The following HS2ST1 variants were observed in gnomAD, a reference collection of about 807,000 sequenced individuals.
HS2ST1 encodes heparan sulfate 2-O-sulfotransferase 1.
A neutral mutation model predicts 42.9 loss-of-function variants in HS2ST1; 18 were observed. The ratio of observed to expected loss-of-function variants is 0.42; its 90% CI spans 0.29 to 0.62. HS2ST1 has a LOEUF of 0.62. Among genes scored for constraint, HS2ST1 ranks in the 20% least tolerant of loss-of-function variants. HS2ST1 has a pLI of 0.21. For synonymous variants in HS2ST1, 146 were observed against 152.9 expected (o/e 0.95, Z 0.33); for missense variants, 334 against 433.8 (o/e 0.77, Z 2.04).
intron 1 of HS2ST1, among the ~76,000 whole-genome samples, chr1:87,032,413 A>G (rs1009411252): frequency 6.6e-6 from 1 of 152,174 alleles, no homozygotes; most frequent in Non-Finnish European, 1.5e-5. Context: ...AGGACGAAAA[A>G]GAGACCTGAA....
intron 1 of HS2ST1, among the ~76,000 whole-genome samples, chr1:87,032,468 T>A (rs1346262797): frequency 2.6e-5 from 4 of 152,194 alleles, no homozygotes; most frequent in Admixed American, 2.6e-4. Context: ...GAACCCCCAC[T>A]GTCAAAATAA....
intron 1 of HS2ST1, among the ~76,000 whole-genome samples, chr1:86,955,994 GATAAA>G (rs1201055695): frequency 3.3e-5 from 5 of 151,850 alleles, no homozygotes; most frequent in East Asian, 1.9e-4. Context: ...TTTCAAAAAA[GATAAA>G]ATAAAAAAAG....
In HS2ST1 at chr1:86,914,965, G is replaced by A; in HGVS notation, c.-72G>A. 6 of 1,585,116 alleles carry A rather than the reference G, an allele frequency of 3.8e-6. No homozygotes were observed. Among genetic ancestry groups the A allele is most frequent in the Non-Finnish European group, 5.1e-6 (6 of 1,166,436 alleles). On this transcript the variant is annotated 5_prime_UTR_variant, in exon 1 of 7. Coordinates refer to ENST00000370550, the MANE Select transcript of HS2ST1 (RefSeq NM_012262.4). ...GCTCCCGGCTCGGCGGGCTCCTCCC[G>A]GCGTCTCTCTCGCCTCCGGGGTCCC...
intron 1 of HS2ST1, among the ~76,000 whole-genome samples, chr1:87,028,640 G>T (rs765458324): frequency 6.6e-6 from 1 of 152,276 alleles, no homozygotes; most frequent in South Asian, 2.1e-4. Context: ...TTAACAGTGG[G>T]TATATACCAT....
intron 1 of HS2ST1, among the ~76,000 whole-genome samples, chr1:87,050,868 G>A (rs984300968): frequency 6.6e-6 from 1 of 152,068 alleles, no homozygotes; most frequent in African/African-American, 2.4e-5. Flanking sequence ...AAACCTCTGA[G>A]GATTAGTCAG....
At chr1:86,941,554 T>C (rs1570435226) in intron 1 of HS2ST1, among the ~76,000 whole-genome samples, 1 of 151,884 alleles carries the variant, frequency 6.6e-6, no homozygotes, top group Non-Finnish European at 1.5e-5. Context: ...GGTGGATCAG[T>C]TGAGGTCAGG....
At chr1:87,086,502 G>A (rs1374157790) in intron 3 of HS2ST1, among the ~76,000 whole-genome samples, 1 of 152,026 alleles carries the variant, frequency 6.6e-6, no homozygotes, top group Admixed American at 6.6e-5. Context: ...TGGTGAATTT[G>A]GCAAAATACT....
At chr1:87,070,419 C>G (rs531975564) in intron 1 of HS2ST1, among the ~76,000 whole-genome samples, 2 of 151,972 alleles carry the variant, frequency 1.3e-5, no homozygotes, top group East Asian at 3.9e-4. Flanking sequence ...GGTGAAACGC[C>G]GTCTCTACAA....
chr1:86,946,096 C>G (rs1647327516), intron 1 of HS2ST1, among the ~76,000 whole-genome samples: 1 of 152,038 alleles, frequency 6.6e-6, no homozygotes, highest in African/African-American at 2.4e-5. Context: ...ATTTTGGCAC[C>G]TTAAATTTAG....
At chr1:87,093,887 AT>A (rs1212964075) in intron 4 of HS2ST1, among the ~76,000 whole-genome samples, 3 of 149,614 alleles carry the variant, frequency 2.0e-5, no homozygotes, top group Non-Finnish European at 4.4e-5. Flanking sequence ...ATTTCTAGAA[AT>A]TGCTGTTTCT....
intron 1 of HS2ST1, among the ~76,000 whole-genome samples, chr1:87,029,414 G>A (rs1411003031): frequency 1.3e-5 from 2 of 152,046 alleles, no homozygotes; most frequent in African/African-American, 2.4e-5. Context: ...TCAGCAGGGC[G>A]TCAATAGTAA....
Position 86,965,738 on chromosome 1 carries a change from A to T in HS2ST1, c.124+50578A>T, listed in dbSNP as rs79161052. 8.6e-3 allele frequency among the ~76,000 whole-genome samples: 1,311 copies of T among 152,220 alleles called. 24 individuals are homozygous for T. The highest frequency in any genetic ancestry group is 0.03 in the African/African-American group (1,236 of 41,524). Reference sequence around the variant, plus strand: ...CTTGGAATCCTGAAGGGCTTGTGCTACTTAGATATAGTCCTCACATTTTTA... The same window carrying T: ...CTTGGAATCCTGAAGGGCTTGTGCTTCTTAGATATAGTCCTCACATTTTTA... On this transcript the variant is annotated intron_variant, in intron 1 of 6. Transcript: ENST00000370550.
At chr1:87,019,690 A>C (rs570396049) in intron 1 of HS2ST1, among the ~76,000 whole-genome samples, 2 of 152,316 alleles carry the variant, frequency 1.3e-5, no homozygotes, top group South Asian at 4.1e-4. Context: ...CCATCTGTTC[A>C]AGTACAATAG....
At chr1:86,924,144 G>A (rs1292973450) in intron 1 of HS2ST1, among the ~76,000 whole-genome samples, 3 of 152,176 alleles carry the variant, frequency 2.0e-5, no homozygotes, top group Non-Finnish European at 2.9e-5. Flanking sequence ...GAAATCCAGC[G>A]GGGCAGTGAA....
chr1:87,079,364 C>T (rs1254444653), intron 2 of HS2ST1, among the ~76,000 whole-genome samples: 2 of 152,126 alleles, frequency 1.3e-5, no homozygotes, highest in East Asian at 1.9e-4. Context: ...TCTCAAACCC[C>T]TGAGCTCAGG....
intron 2 of HS2ST1, among the ~76,000 whole-genome samples, chr1:87,081,716 A>G (rs1651694800): frequency 6.6e-6 from 1 of 152,130 alleles, no homozygotes; most frequent in African/African-American, 2.4e-5. Flanking sequence ...AAACAAAAAA[A>G]TACAAAAAGA....
At chr1:87,057,728 G>A (rs183479377) in intron 1 of HS2ST1, among the ~76,000 whole-genome samples, 1 of 152,076 alleles carries the variant, frequency 6.6e-6, no homozygotes, top group East Asian at 1.9e-4. Context: ...GCAGGTGCCT[G>A]TAGTCCCAGC....
At chr1:87,083,663 A>G (rs1236227961) in intron 2 of HS2ST1, among the ~76,000 whole-genome samples, 1 of 152,184 alleles carries the variant, frequency 6.6e-6, no homozygotes, top group Non-Finnish European at 1.5e-5. Flanking sequence ...TAATCTTTTT[A>G]TCAACAAGCT....
chr1:87,052,393 C>G (rs1296873783), intron 1 of HS2ST1, among the ~76,000 whole-genome samples: 1 of 152,048 alleles, frequency 6.6e-6, no homozygotes. Flanking sequence ...CGTGAATGTT[C>G]CTAGATGAAT....
Sources: gnomAD v4.1 joint callset for allele counts (sites outside exome capture counted in the v4.1 genomes callset) on GRCh38, gnomAD v4.1.1 for gene constraint, MANE v1.5 for transcripts, NCBI Gene and HGNC (gene_info 2026-07-23, HGNC 2026-07-21) for gene names.